The following FAT3 variants were observed in gnomAD, a reference collection of about 807,000 sequenced individuals.
The protein encoded by FAT3 is FAT atypical cadherin 3, also known as protocadherin Fat 3.
FAT3 carries 95 observed loss-of-function variants against 310.2 expected under a neutral mutation model. The ratio of observed to expected loss-of-function variants is 0.31; its 90% CI spans 0.26 to 0.36. The LOEUF is 0.36. Ranked by LOEUF, FAT3 falls within the 10% of genes least tolerant of loss-of-function variation. FAT3 has a pLI of 1.00. For synonymous variants in FAT3, 2,314 were observed against 2,192.9 expected (o/e 1.06, Z -1.54); for missense variants, 5,408 against 5,715.6 (o/e 0.95, Z 1.74).
At chr11:92,416,381 C>T (rs1342132134) in intron 2 of FAT3, among the ~76,000 whole-genome samples, 1 of 133,242 alleles carries the variant, frequency 7.5e-6, no homozygotes, top group Non-Finnish European at 1.5e-5. Flanking sequence ...GAGACTCCAT[C>T]TCAAAAAAAA....
intron 2 of FAT3, among the ~76,000 whole-genome samples, chr11:92,364,151 A>C (rs933168818): frequency 7.9e-5 from 12 of 152,164 alleles, no homozygotes; most frequent in Non-Finnish European, 1.5e-4. Flanking sequence ...TAGGTTGGCA[A>C]ACCTACAACC....
At chr11:92,476,711 A>G (rs1162121991) in intron 2 of FAT3, among the ~76,000 whole-genome samples, 1 of 152,218 alleles carries the variant, frequency 6.6e-6, no homozygotes, top group Non-Finnish European at 1.5e-5. Context: ...TGCTTGGGGA[A>G]AGAAATCAAC....
chr11:92,507,311 A>T (rs1392740865), intron 2 of FAT3, among the ~76,000 whole-genome samples: 1 of 152,078 alleles, frequency 6.6e-6, no homozygotes, highest in East Asian at 1.9e-4. Context: ...AAAACCATAC[A>T]CTTCCCTCCT....
At chr11:92,644,680 CA>C (rs1287587334) in intron 3 of FAT3, among the ~76,000 whole-genome samples, 1 of 152,072 alleles carries the variant, frequency 6.6e-6, no homozygotes, top group Non-Finnish European at 1.5e-5. Context: ...GTCCTGAGGC[CA>C]AAAAACCCAT....
At chr11:92,556,416 T>C (rs1955019623) in intron 3 of FAT3, among the ~76,000 whole-genome samples, 1 of 152,184 alleles carries the variant, frequency 6.6e-6, no homozygotes, top group Non-Finnish European at 1.5e-5. Context: ...AAGTCATTTC[T>C]ATTCTTCAGC....
chr11:92,704,279 T>TG (rs1944196760), intron 4 of FAT3, among the ~76,000 whole-genome samples: 1 of 152,142 alleles, frequency 6.6e-6, no homozygotes, highest in South Asian at 2.1e-4. Flanking sequence ...CACCCAGCTC[T>TG]GGACAAGGCT....
Position 92,353,548 on chromosome 11 carries a change from C to T in FAT3, c.1436C>T (p.Ala479Val). 10 of 1,613,756 alleles carry T rather than the reference C, an allele frequency of 6.2e-6. No homozygotes were observed. Among genetic ancestry groups the T allele is most frequent in the Non-Finnish European group, 8.5e-6 (10 of 1,179,854 alleles). ...GAATTTCAGCAACCACTGTATGATG[C>T]TTATGTGAATGAAAGTGTCCCAGTG... is the stretch of plus-strand genomic sequence containing the variant. ...TPEFQQPLYDAYVNESVPVGT... is the reference protein window; with the variant it reads ...TPEFQQPLYDVYVNESVPVGT... Residue 479 changes from alanine (A) to valine (V), a missense_variant, in exon 2 of 28, where the codon GCT becomes GTT. Physicochemically the swap from Ala to Val is moderately conservative, Grantham distance 64. This residue lies in a region of FAT3 where 4,588 missense variants were observed against 4,809.8 expected (regional missense o/e 0.95). Coordinates refer to ENST00000525166, the MANE Select transcript of FAT3 (RefSeq NM_001367949.2).
chr11:92,710,870 G>A (rs1351211715), intron 4 of FAT3, among the ~76,000 whole-genome samples: 6 of 152,184 alleles, frequency 3.9e-5, no homozygotes, highest in Admixed American at 6.5e-5. Context: ...TGTAAAGCAA[G>A]TACACACCTA....
chr11:92,679,378 C>G (rs1178118257), intron 3 of FAT3, among the ~76,000 whole-genome samples: 1 of 151,874 alleles, frequency 6.6e-6, no homozygotes, highest in African/African-American at 2.4e-5. Context: ...ATTCCCCATA[C>G]TGTTTTCTAT....
At chr11:92,719,044 A>C (rs142637831) in intron 4 of FAT3, among the ~76,000 whole-genome samples, 1 of 152,150 alleles carries the variant, frequency 6.6e-6, no homozygotes, top group Non-Finnish European at 1.5e-5. Flanking sequence ...CCAGCTTTCC[A>C]TGGAAATATT....
At chr11:92,739,469 A>G (rs1267032664) in intron 4 of FAT3, among the ~76,000 whole-genome samples, 1 of 152,162 alleles carries the variant, frequency 6.6e-6, no homozygotes, top group Non-Finnish European at 1.5e-5. Flanking sequence ...GGAATTTTTA[A>G]TGTAGCAAAA....
Position 92,352,549 on chromosome 11 carries a change from T to C in FAT3, c.437T>C (p.Ile146Thr), listed in dbSNP as rs1398809924. 4.3e-6 allele frequency: 7 copies of C among 1,613,624 alleles called. No individual in the cohort carries two copies. In the Admixed American group the frequency reaches 5.0e-5, roughly 12 times the overall value. Residue 146 changes from isoleucine to threonine, a missense_variant, in exon 2 of 28, where the codon ATA (isoleucine) becomes ACA (threonine). Transcript: ENST00000525166. ...TTGGAAGCATGGACCAAAGTGAATA[T>C]ACAGGTTTTAGATATGAATGATCTG... ...EDLEAWTKVNIQVLDMNDLRP... is the reference protein window; with the variant it reads ...EDLEAWTKVNTQVLDMNDLRP...
intron 4 of FAT3, among the ~76,000 whole-genome samples, chr11:92,736,848 T>G (rs1945364011): frequency 6.6e-6 from 1 of 152,162 alleles, no homozygotes; most frequent in Non-Finnish European, 1.5e-5. Context: ...GTCTTTTATT[T>G]TTTTCCTTTT....
intron 3 of FAT3, among the ~76,000 whole-genome samples, chr11:92,530,377 C>T (rs1356969195): frequency 1.3e-5 from 2 of 152,064 alleles, no homozygotes; most frequent in Admixed American, 6.6e-5. Flanking sequence ...ACAAGGTGCC[C>T]AGAGACACCT....
intron 25 of FAT3, 121 bp downstream of exon 25, chr11:92,887,234 C>A (rs180758343): frequency 1.7e-5 from 14 of 803,682 alleles, no homozygotes; most frequent in Middle Eastern, 3.6e-4. Context: ...GGCTTTTGAG[C>A]GTGTTCACCA....
chr11:92,884,965 C>T (rs565647055), intron 24 of FAT3, among the ~76,000 whole-genome samples: 1 of 152,122 alleles, frequency 6.6e-6, no homozygotes, highest in Non-Finnish European at 1.5e-5. Flanking sequence ...GGCAAGGAGA[C>T]AAACACTTGC....
At chr11:92,657,565 A>G (rs1369265505) in intron 3 of FAT3, among the ~76,000 whole-genome samples, 1 of 152,146 alleles carries the variant, frequency 6.6e-6, no homozygotes, top group African/African-American at 2.4e-5. Context: ...AAATGATGGG[A>G]TGTTGGAGTG....
intron 4 of FAT3, among the ~76,000 whole-genome samples, chr11:92,758,943 G>A (rs907291005): frequency 6.6e-6 from 1 of 152,016 alleles, no homozygotes; most frequent in African/African-American, 2.4e-5. Context: ...AGGTTTGAGG[G>A]TATTGATTTC....
At chr11:92,712,301 CT>C (rs1944549574) in intron 4 of FAT3, among the ~76,000 whole-genome samples, 1 of 152,158 alleles carries the variant, frequency 6.6e-6, no homozygotes, top group Admixed American at 6.6e-5. Context: ...GAAAAAGGGA[CT>C]CTGGAAAGAC....
Sources: gnomAD v4.1 joint callset for allele counts (sites outside exome capture counted in the v4.1 genomes callset) on GRCh38, gnomAD v4.1.1 for gene constraint, gnomAD v4.1.1 regional missense constraint, MANE v1.5 for transcripts, NCBI Gene and HGNC (gene_info 2026-07-23, HGNC 2026-07-21) for gene names.